Variants in MICU2 observed in about 807,000 individuals in gnomAD.
MICU2 encodes the protein mitochondrial calcium uptake 2, also known as calcium uptake protein 2, mitochondrial.
A neutral mutation model predicts 60.4 loss-of-function variants in MICU2; 64 were observed. The ratio of observed to expected loss-of-function variants is 1.06; its 90% CI spans 0.87 to 1.31. The LOEUF (loss-of-function observed/expected upper bound fraction) is 1.31. Among genes scored for constraint, MICU2 ranks in the 50% most tolerant of loss-of-function variants. The pLI, the probability that MICU2 is intolerant of heterozygous loss-of-function variation, is 0.00. For missense variants in MICU2, 569 were observed against 531.0 expected (o/e 1.07, Z -0.70); for synonymous variants, 201 against 175.0 (o/e 1.15, Z -1.17).
chr13:21,530,589 C>T, intron 4 of MICU2: 1 of 228,456 alleles, frequency 4.4e-6, no homozygotes, highest in South Asian at 1.1e-4. Context: ...AATGTGTGTG[C>T]AGGCTGATGA....
intron 1 of MICU2, among the ~76,000 whole-genome samples, chr13:21,586,243 A>G (rs1233791392): frequency 1.3e-5 from 2 of 152,196 alleles, no homozygotes; most frequent in Non-Finnish European, 2.9e-5. Context: ...ACTTTTTCAG[A>G]GCAGTTCACT....
intron 2 of MICU2, among the ~76,000 whole-genome samples, chr13:21,565,882 C>T (rs1391161190): frequency 6.6e-6 from 1 of 152,168 alleles, no homozygotes; most frequent in African/African-American, 2.4e-5. Flanking sequence ...TATTTTTCTG[C>T]TCACAAACCT....
chr13:21,511,595 A>G (rs1886428950), intron 7 of MICU2, among the ~76,000 whole-genome samples: 1 of 152,230 alleles, frequency 6.6e-6, no homozygotes, highest in Admixed American at 6.5e-5. Context: ...TTGCAAAACT[A>G]TGGTGAAATA....
chr13:21,503,155 G>A (rs1300055301), intron 8 of MICU2, 58 bp from the exon 9 acceptor site: 9 of 1,313,866 alleles, frequency 6.9e-6, no homozygotes, highest in East Asian at 2.3e-5. Flanking sequence ...CTTAAATATT[G>A]TAAATGGGTC....
chr13:21,497,013 G>C (rs1055185947), intron 9 of MICU2, among the ~76,000 whole-genome samples: 1 of 152,184 alleles, frequency 6.6e-6, no homozygotes. Context: ...AGTGAGCCGA[G>C]ATCACGCCAC....
chr13:21,543,559 A>C (rs1004571493), intron 2 of MICU2, among the ~76,000 whole-genome samples: 2 of 152,220 alleles, frequency 1.3e-5, no homozygotes, highest in African/African-American at 4.8e-5. Context: ...ATCCATTTGC[A>C]ATAGGTACAA....
At chr13:21,528,265 G>A (rs1202901908) in intron 4 of MICU2, among the ~76,000 whole-genome samples, 2 of 152,030 alleles carry the variant, frequency 1.3e-5, no homozygotes, top group Non-Finnish European at 2.9e-5. Context: ...ATTTCAAAGG[G>A]TCCCAAGTAT....
intron 4 of MICU2, among the ~76,000 whole-genome samples, chr13:21,537,622 A>G (rs994059817): frequency 5.3e-5 from 8 of 151,992 alleles, no homozygotes; most frequent in Non-Finnish European, 1.2e-4. Context: ...GGCACCCGCC[A>G]CCATGCCTGG....
chr13:21,551,299 T>A (rs1294230382), intron 2 of MICU2: 1 of 152,364 alleles, frequency 6.6e-6, no homozygotes, highest in African/African-American at 2.4e-5. Context: ...TTTATACATT[T>A]AAAAAAATAA....
At chr13:21,562,667 C>T (rs1423768372) in intron 2 of MICU2, among the ~76,000 whole-genome samples, 1 of 152,158 alleles carries the variant, frequency 6.6e-6, no homozygotes, top group Non-Finnish European at 1.5e-5. Context: ...CAAAAGTATT[C>T]CCAATTCCTC....
intron 1 of MICU2, among the ~76,000 whole-genome samples, chr13:21,575,421 TAA>T (rs11369175): frequency 5.7e-5 from 8 of 140,940 alleles, no homozygotes; most frequent in Non-Finnish European, 7.7e-5. Flanking sequence ...TTCGAATGAT[TAA>T]AAAAAAAAAA....
At chr13:21,550,443 T>C (rs1158931991) in intron 2 of MICU2, among the ~76,000 whole-genome samples, 2 of 152,046 alleles carry the variant, frequency 1.3e-5, no homozygotes, top group Non-Finnish European at 2.9e-5. Context: ...GAGACTGAGA[T>C]AGGGGGATTG....
chr13:21,531,051 CT>C, intron 4 of MICU2: 1 of 967,224 alleles, frequency 1.0e-6, no homozygotes, highest in Non-Finnish European at 1.7e-6. Flanking sequence ...GGATCGTGGT[CT>C]TTCCAAATAT....
chr13:21,585,857 G>A (rs1389649775), intron 1 of MICU2, among the ~76,000 whole-genome samples: 1 of 151,908 alleles, frequency 6.6e-6, no homozygotes, highest in Non-Finnish European at 1.5e-5. Flanking sequence ...AATAAAAAAT[G>A]AGTTCAAAAT....
chr13:21,561,558 C>T (rs1887840847), intron 2 of MICU2, among the ~76,000 whole-genome samples: 1 of 151,640 alleles, frequency 6.6e-6, no homozygotes. Flanking sequence ...AATTACTACG[C>T]AATGCCTCTT....
At chr13:21,598,049 C>T (rs1286022955) in intron 1 of MICU2, among the ~76,000 whole-genome samples, 1 of 149,284 alleles carries the variant, frequency 6.7e-6, no homozygotes, top group East Asian at 2.0e-4. Flanking sequence ...ATAAACATAT[C>T]AAAGAAAATA....
chr13:21,580,807 C>G (rs1274321606), intron 1 of MICU2, among the ~76,000 whole-genome samples: 1 of 152,046 alleles, frequency 6.6e-6, no homozygotes, highest in African/African-American at 2.4e-5. Flanking sequence ...CTTGAATACC[C>G]CAACTCACTT....
chr13:21,514,437 T>C lies in MICU2; in HGVS notation c.598-19A>G, dbSNP rs1593320097. ...TCTGCAGCTAAAAAGATTACAAACA[T>C]GAGTTTACATGTGTGCCTACCAGAT... is the stretch of plus-strand genomic sequence containing the variant. On this transcript the variant is annotated intron_variant, in intron 6 of 11. Coordinates refer to ENST00000382374, the MANE Select transcript of MICU2 (RefSeq NM_152726.3). 2.5e-6 allele frequency: 4 copies of C among 1,596,412 alleles called. No homozygotes were observed. The African/African-American group carries it at 4.0e-5, about 16-fold the overall frequency.
Position 21,496,140 on chromosome 13 carries a change from G to C in MICU2, c.954C>G (p.Phe318Leu). The change falls in exon 10 of 12, where the codon TTC becomes TTG. Residue 318 changes from phenylalanine to leucine, a missense_variant. Phe to Leu is a conservative substitution (Grantham distance 22, BLOSUM62 0). Transcript: ENST00000382374. ...SAGESISLDE[F>L]KSFCHFTTHL... ...GGGTTGTAAAATGGCAAAATGACTT[G>C]AATTCATCCAAACTAATGCTCTAAT... The C allele has an allele frequency of 6.2e-7, 1 of 1,613,526 alleles. No individual in the cohort carries two copies. The highest frequency in any genetic ancestry group is 8.5e-7 in the Non-Finnish European group (1 of 1,179,556).
Sources: allele counts gnomAD v4.1 joint callset (sites outside exome capture counted in the v4.1 genomes callset), GRCh38; gene constraint gnomAD v4.1.1; transcripts MANE v1.5; gene names NCBI Gene and HGNC (gene_info 2026-07-23, HGNC 2026-07-21).